The following KAT6B variants were observed in gnomAD, a reference collection of about 807,000 sequenced individuals.
KAT6B encodes the protein lysine acetyltransferase 6B.
Under a neutral mutation model 187.5 loss-of-function variants are expected in KAT6B, and 10 were observed. The ratio of observed to expected loss-of-function variants is 0.05; its 90% CI spans 0.03 to 0.09. The LOEUF (loss-of-function observed/expected upper bound fraction) is 0.09. KAT6B is among the 10% of genes least tolerant of loss of function. KAT6B has a pLI of 1.00. For missense variants in KAT6B, 1,952 were observed against 2,558.9 expected, an observed-to-expected ratio of 0.76 and a Z score of 5.12; for synonymous variants, 861 against 926.8, an observed-to-expected ratio of 0.93 and a Z score of 1.29.
At chr10:74,944,835 G>GAAAAAA (rs1849997589) in intron 3 of KAT6B, among the ~76,000 whole-genome samples, 1 of 122,858 alleles carries the variant, frequency 8.1e-6, no homozygotes, top group African/African-American at 4.1e-5. Flanking sequence ...AAAAAAAAAG[G>GAAAAAA]ATATGCATAT....
chr10:74,999,045 C>T (rs553185485), intron 13 of KAT6B, among the ~76,000 whole-genome samples: 1 of 152,272 alleles, frequency 6.6e-6, no homozygotes, highest in African/African-American at 2.4e-5. Context: ...AAATACATTT[C>T]TAGATGACCT....
chr10:74,908,335 G>A (rs1322777153), intron 3 of KAT6B, among the ~76,000 whole-genome samples: 1 of 152,024 alleles, frequency 6.6e-6, no homozygotes, highest in South Asian at 2.1e-4. Flanking sequence ...GGCCGAGGCG[G>A]GCAGATCACG....
At chr10:74,872,921 G>A (rs1844107973) in intron 3 of KAT6B, among the ~76,000 whole-genome samples, 1 of 152,084 alleles carries the variant, frequency 6.6e-6, no homozygotes, top group Non-Finnish European at 1.5e-5. Context: ...GGCAAATTTG[G>A]AATATGTACT....
At chr10:74,918,589 A>G (rs1847884766) in intron 3 of KAT6B, among the ~76,000 whole-genome samples, 1 of 152,058 alleles carries the variant, frequency 6.6e-6, no homozygotes, top group South Asian at 2.1e-4. Context: ...CAAAAAATAC[A>G]AAAATTAGCC....
chr10:74,884,899 A>G (rs1305946960), intron 3 of KAT6B, among the ~76,000 whole-genome samples: 1 of 152,108 alleles, frequency 6.6e-6, no homozygotes, highest in East Asian at 1.9e-4. Flanking sequence ...CATTTGGAGC[A>G]GCGCTATCCT....
At chr10:74,828,217 G>C (rs1375410768) in intron 1 of KAT6B, among the ~76,000 whole-genome samples, 1 of 152,140 alleles carries the variant, frequency 6.6e-6, no homozygotes, top group Non-Finnish European at 1.5e-5. Context: ...AAGGTGTTGG[G>C]ACGTGTTAAA....
At chr10:74,966,256 G>A (rs759795612) in intron 4 of KAT6B, among the ~76,000 whole-genome samples, 1 of 152,140 alleles carries the variant, frequency 6.6e-6, no homozygotes, top group Non-Finnish European at 1.5e-5. Flanking sequence ...TCCGTAAAAG[G>A]TTCTCTGCTT....
rs117460498 is a variant in KAT6B, at chr10:75,004,136, T to C, written c.2629+15024T>C. 5.9e-5 allele frequency among the ~76,000 whole-genome samples: 9 copies of C among 152,196 alleles called. No homozygotes were observed. The East Asian group carries it at 1.7e-3, about 29-fold the overall frequency. ...GCATTTGCATTGAGTTATTTTGAAA[T>C]CCACTACTGGACAAATTCCATTCAA... On this transcript the variant is annotated intron_variant, in intron 13 of 17. Transcript: ENST00000287239.
rs149831613 is a variant in KAT6B, at chr10:74,929,219, A to G, written c.622-30751A>G. On this transcript the variant is annotated intron_variant, in intron 3 of 17. Coordinates refer to ENST00000287239, the MANE Select transcript of KAT6B (RefSeq NM_012330.4). ...ATCTTGAATGAAATTAGTTTTTTCT[A>G]CCTAGAGCTGGGAGTTTCATTTTCT... Among the ~76,000 whole-genome samples the G allele has an allele frequency of 3.7e-3, 566 of 152,238 alleles. 4 individuals are homozygous for G. The highest frequency in any genetic ancestry group is 0.013 in the African/African-American group (529 of 41,550).
intron 3 of KAT6B, among the ~76,000 whole-genome samples, chr10:74,849,620 A>G (rs1208866091): frequency 2.0e-5 from 3 of 152,212 alleles, no homozygotes; most frequent in Non-Finnish European, 4.4e-5. Context: ...GAAGCTGTTT[A>G]TTCTGGTTAC....
At chr10:75,023,324 G>A (rs73278116) in intron 16 of KAT6B, among the ~76,000 whole-genome samples, 6 of 152,350 alleles carry the variant, frequency 3.9e-5, no homozygotes, top group Non-Finnish European at 7.3e-5. Context: ...CCAGCTCAGC[G>A]CTCTTCTAGG....
chr10:74,830,550 C>T (rs1390765846), intron 1 of KAT6B, among the ~76,000 whole-genome samples: 1 of 151,346 alleles, frequency 6.6e-6, no homozygotes, highest in African/African-American at 2.4e-5. Context: ...GTATGCTTGT[C>T]TTCATCTTTA....
chr10:74,836,327 A>G (rs1024158814), intron 1 of KAT6B, among the ~76,000 whole-genome samples: 3 of 152,296 alleles, frequency 2.0e-5, no homozygotes, highest in East Asian at 3.9e-4. Flanking sequence ...TTTTGAGTCT[A>G]TACCTAGAAA....
intron 3 of KAT6B, among the ~76,000 whole-genome samples, chr10:74,844,413 AG>A (rs1288267244): frequency 6.6e-6 from 1 of 152,126 alleles, no homozygotes; most frequent in Non-Finnish European, 1.5e-5. Flanking sequence ...TGGCCGGGCT[AG>A]TCTCGAACTC....
chr10:74,891,955 C>T (rs1845670046), intron 3 of KAT6B, among the ~76,000 whole-genome samples: 1 of 152,194 alleles, frequency 6.6e-6, no homozygotes, highest in African/African-American at 2.4e-5. Flanking sequence ...TGGAAGCCAG[C>T]AGAGTTCAAA....
intron 3 of KAT6B, among the ~76,000 whole-genome samples, chr10:74,954,289 A>C (rs911225811): frequency 6.6e-6 from 1 of 152,212 alleles, no homozygotes; most frequent in Non-Finnish European, 1.5e-5. Flanking sequence ...TAGAGACAGA[A>C]AGTAGAATGG....
chr10:74,951,409 G>C (rs1840309613), intron 3 of KAT6B, among the ~76,000 whole-genome samples: 1 of 151,530 alleles, frequency 6.6e-6, no homozygotes, highest in Non-Finnish European at 1.5e-5. Context: ...TGGGATTATA[G>C]GTGTGAGCCA....
rs747840056 is a variant in KAT6B, at chr10:74,972,570, C to A, written c.992C>A (p.Ala331Asp). Reference protein sequence around the residue: ...KKGRKLLHEKAAQIKRRYAKP... With the variant: ...KKGRKLLHEKDAQIKRRYAKP... Reference sequence around the variant, plus strand: ...GGAAGAAAACTACTTCATGAGAAAGCTGCACAAATAAAACGACGATATGCA... The same window carrying A: ...GGAAGAAAACTACTTCATGAGAAAGATGCACAAATAAAACGACGATATGCA... Residue 331 changes from alanine (A) to aspartate (D), a missense_variant, in exon 7 of 18, where the codon GCT (alanine) becomes GAT (aspartate). Ala to Asp is a moderately radical substitution (Grantham distance 126). This residue lies in a region of KAT6B where 417 missense variants were observed against 508.9 expected (regional missense o/e 0.82). Coordinates refer to ENST00000287239, the MANE Select transcript of KAT6B (RefSeq NM_012330.4). 1.2e-6 allele frequency: 2 copies of A among 1,612,066 alleles called. No homozygotes were observed. The highest frequency in any genetic ancestry group is 1.7e-6 in the Non-Finnish European group (2 of 1,178,396).
intron 12 of KAT6B, 31 bp from the exon 13 acceptor site, chr10:74,988,988 G>C (rs1450300566): frequency 6.7e-7 from 1 of 1,489,892 alleles, no homozygotes; most frequent in Admixed American, 1.7e-5. Context: ...GCAGGGCTCT[G>C]ACATACTTGA....
Sources: gnomAD v4.1 joint callset for allele counts (sites outside exome capture counted in the v4.1 genomes callset) on GRCh38, gnomAD v4.1.1 for gene constraint, gnomAD v4.1.1 regional missense constraint, MANE v1.5 for transcripts, NCBI Gene and HGNC (gene_info 2026-07-23, HGNC 2026-07-21) for gene names.